Variants in SLC25A13 observed in about 807,000 individuals in gnomAD.
The protein encoded by SLC25A13 is electrogenic aspartate/glutamate antiporter SLC25A13, mitochondrial.
In SLC25A13, 70 loss-of-function variants were observed where a neutral mutation model predicts 85.5. That is an observed-to-expected ratio of 0.82 (90% CI 0.68 to 1.00). The LOEUF (loss-of-function observed/expected upper bound fraction) is 1.00, where lower values mean the gene tolerates loss of function less well. Among genes scored for constraint, SLC25A13 ranks in the 50% least tolerant of loss-of-function variants. The pLI, the probability that SLC25A13 is intolerant of heterozygous loss-of-function variation, is 0.00. For missense variants in SLC25A13, 765 were observed against 819.8 expected, an observed-to-expected ratio of 0.93 and a Z score of 0.82; for synonymous variants, 259 against 288.7, an observed-to-expected ratio of 0.90 and a Z score of 1.04.
intron 2 of SLC25A13, among the ~76,000 whole-genome samples, chr7:96,286,358 C>A (rs543716957): frequency 1.3e-5 from 2 of 152,010 alleles, no homozygotes; most frequent in African/African-American, 4.8e-5. Flanking sequence ...TCCTGACTAC[C>A]ACCACCCAGG....
At chr7:96,122,786 T>G (rs938347129) in intron 15 of SLC25A13, among the ~76,000 whole-genome samples, 1 of 152,188 alleles carries the variant, frequency 6.6e-6, no homozygotes, top group African/African-American at 2.4e-5. Context: ...AGTCACTGTA[T>G]CCAAAATAGG....
At chr7:96,232,774 A>G (rs749316480) in intron 4 of SLC25A13, among the ~76,000 whole-genome samples, 6 of 152,032 alleles carry the variant, frequency 3.9e-5, no homozygotes, top group African/African-American at 7.2e-5. Context: ...TAATCCTTAC[A>G]TAGTCCTGTA....
chr7:96,184,314 T>C lies in SLC25A13; in HGVS notation c.1140A>G (p.Lys380=), dbSNP rs2116629035. The change falls in exon 11 of 18, where the codon AAA becomes AAG. Residue 380 remains lysine (K), a synonymous_variant. Transcript: ENST00000265631. ...MYKNSFDCFK[K]VLRYEGFFGL... ...CAAAGAAGCCTTCATAGCGTAGCAC[T>C]TTCTTAAAACAGTCAAAGCTGTTTT... is the stretch of plus-strand genomic sequence containing the variant. The C allele has an allele frequency of 6.2e-6, 10 of 1,614,068 alleles. No homozygotes were observed. The East Asian group carries it at 2.2e-4, about 36-fold the overall frequency.
At position 96,315,830 on chromosome 7, in the gene SLC25A13, A is replaced by G. The variant is rs1156744978; in HGVS notation, c.15+6112T>C. Among the ~76,000 whole-genome samples, 4 of 152,276 alleles carry G rather than the reference A, an allele frequency of 2.6e-5. No individual in the cohort carries two copies. In the East Asian group the frequency reaches 7.7e-4, roughly 29 times the overall value. On this transcript the variant is annotated intron_variant, in intron 1 of 17. Transcript: ENST00000265631. Reference sequence around the variant, plus strand: ...TTTGAAGAATATCTTTAATAACCTCAATATATTTTATCCTCAATGACAAAC... The same window carrying G: ...TTTGAAGAATATCTTTAATAACCTCGATATATTTTATCCTCAATGACAAAC...
intron 3 of SLC25A13, among the ~76,000 whole-genome samples, chr7:96,253,261 A>T (rs1030972700): frequency 2.0e-5 from 3 of 152,192 alleles, no homozygotes; most frequent in Non-Finnish European, 4.4e-5. Context: ...GAAAGATGCC[A>T]GGAATTGGGG....
intron 3 of SLC25A13, among the ~76,000 whole-genome samples, chr7:96,241,653 T>C (rs1033761455): frequency 6.6e-6 from 1 of 152,174 alleles, no homozygotes; most frequent in South Asian, 2.1e-4. Flanking sequence ...AAATTTAAGA[T>C]TTTTTTCTGC....
intron 3 of SLC25A13, among the ~76,000 whole-genome samples, chr7:96,258,555 AAAT>A (rs1797727287): frequency 6.6e-6 from 1 of 152,238 alleles, no homozygotes; most frequent in Non-Finnish European, 1.5e-5. Context: ...CTGCTCAAGA[AAAT>A]AAGAGAGGAC....
intron 3 of SLC25A13, among the ~76,000 whole-genome samples, chr7:96,266,272 G>A (rs1010467306): frequency 1.3e-5 from 2 of 152,110 alleles, no homozygotes; most frequent in Non-Finnish European, 2.9e-5. Flanking sequence ...TTGAGGTCAG[G>A]TGTTCTGGAT....
chr7:96,321,817 C>A, intron 1 of SLC25A13, 125 bp downstream of exon 1: 6 of 1,258,298 alleles, frequency 4.8e-6, no homozygotes, highest in Non-Finnish European at 6.4e-6. Context: ...CAAGGTGGAA[C>A]GGCTGCCCGG....
intron 1 of SLC25A13, among the ~76,000 whole-genome samples, chr7:96,302,479 G>A (rs944197466): frequency 2.0e-5 from 3 of 152,006 alleles, no homozygotes; most frequent in Admixed American, 2.0e-4. Context: ...AGGATGGTGG[G>A]GAAGAATATA....
Position 96,193,123 on chromosome 7 carries a change from T to TC in SLC25A13, c.528dup (p.Arg177GlufsTer40), listed in dbSNP as rs1794924933. ...TCTCGGAAGTCGATGGCTGTGACTCTCCCAGTCCTAGCATTGTCCCGTTGC... is the reference window on the plus strand; with the variant it reads ...TCTCGGAAGTCGATGGCTGTGACTCTCCCCAGTCCTAGCATTGTCCCGTTGC... On this transcript the variant is annotated frameshift_variant, in exon 6 of 18. Coordinates refer to ENST00000265631, the MANE Select transcript of SLC25A13 (RefSeq NM_014251.3). LOFTEE classifies it high-confidence loss of function. The TC allele has an allele frequency of 2.5e-6, 4 of 1,614,134 alleles. No homozygotes were observed. Among genetic ancestry groups the TC allele is most frequent in the Non-Finnish European group, 3.4e-6 (4 of 1,179,980 alleles).
At chr7:96,222,824 G>A (rs1009436321) in intron 4 of SLC25A13, among the ~76,000 whole-genome samples, 2 of 152,090 alleles carry the variant, frequency 1.3e-5, no homozygotes, top group African/African-American at 4.8e-5. Context: ...TCTGTCTCTT[G>A]TATTATATAT....
At chr7:96,275,549 G>C (rs1316576677) in intron 3 of SLC25A13, among the ~76,000 whole-genome samples, 1 of 152,182 alleles carries the variant, frequency 6.6e-6, no homozygotes, top group Non-Finnish European at 1.5e-5. Context: ...GGAATACTAT[G>C]CAGCCATAAA....
chr7:96,158,711 T>C (rs891238617), intron 13 of SLC25A13, among the ~76,000 whole-genome samples: 12 of 152,242 alleles, frequency 7.9e-5, no homozygotes, highest in Non-Finnish European at 1.3e-4. Flanking sequence ...AAATACATTA[T>C]TTTGATTATC....
At chr7:96,218,361 C>T (rs1219616689) in intron 4 of SLC25A13, among the ~76,000 whole-genome samples, 1 of 152,102 alleles carries the variant, frequency 6.6e-6, no homozygotes, top group East Asian at 1.9e-4. Context: ...TAAGAACCTC[C>T]ACTCTTTTCT....
intron 3 of SLC25A13, among the ~76,000 whole-genome samples, chr7:96,235,397 A>G (rs1796709339): frequency 6.6e-6 from 1 of 152,150 alleles, no homozygotes; most frequent in Admixed American, 6.5e-5. Flanking sequence ...GTACAAGGGG[A>G]ATACAGATAA....
rs181241302 is a variant in SLC25A13, at chr7:96,296,925, T to G, written c.42A>C (p.Pro14=). ...TCAAAAATATTGTTCTAAGCTCAGC[T>G]GGATCTGCTCTCTTGGTTAAAGCCA... ...AKVALTKRAD[P]AELRTIFLKY... The change falls in exon 2 of 18, where the codon CCA becomes CCC. Residue 14 remains proline (P), a synonymous_variant. Coordinates refer to ENST00000265631, the MANE Select transcript of SLC25A13 (RefSeq NM_014251.3). 3.7e-6 allele frequency: 6 copies of G among 1,613,744 alleles called. No homozygotes were observed. In the African/African-American group the frequency reaches 5.3e-5, roughly 14 times the overall value.
At chr7:96,190,170 C>T (rs937207562) in intron 7 of SLC25A13, among the ~76,000 whole-genome samples, 12 of 151,006 alleles carry the variant, frequency 7.9e-5, no homozygotes, top group Middle Eastern at 3.4e-3. Context: ...CTACAACCTC[C>T]GACTCTTGGG....
At chr7:96,160,804 A>G (rs145620827) in intron 13 of SLC25A13, among the ~76,000 whole-genome samples, 69 of 152,294 alleles carry the variant, frequency 4.5e-4, no homozygotes, top group African/African-American at 1.6e-3. Context: ...CCTCAGTCCA[A>G]GTTGAAATCA....
Sources: allele counts gnomAD v4.1 joint callset (sites outside exome capture counted in the v4.1 genomes callset), GRCh38; gene constraint gnomAD v4.1.1; transcripts MANE v1.5; gene names NCBI Gene and HGNC (gene_info 2026-07-23, HGNC 2026-07-21).